Variants in CREB3L2 observed in about 807,000 individuals in gnomAD.
CREB3L2 encodes the protein cyclic AMP-responsive element-binding protein 3-like protein 2.
CREB3L2 carries 23 observed loss-of-function variants against 57.2 expected under a neutral mutation model. The ratio of observed to expected loss-of-function variants is 0.40; its 90% confidence interval spans 0.29 to 0.57. CREB3L2 has a LOEUF of 0.57. Among genes scored for constraint, CREB3L2 ranks in the 20% least tolerant of loss-of-function variants. CREB3L2 has a pLI of 0.42. For missense variants in CREB3L2, 628 were observed against 634.7 expected (o/e 0.99, Z 0.11); for synonymous variants, 268 against 265.1 (o/e 1.01, Z -0.11).
At chr7:137,925,691 C>T (rs1800438879) in intron 2 of CREB3L2, among the ~76,000 whole-genome samples, 1 of 152,186 alleles carries the variant, frequency 6.6e-6, no homozygotes, top group South Asian at 2.1e-4. Context: ...TGCCCATCCA[C>T]ACAACTCAGA....
chr7:137,930,087 C>T (rs923125767), intron 1 of CREB3L2, among the ~76,000 whole-genome samples: 6 of 151,704 alleles, frequency 4.0e-5, no homozygotes, highest in Admixed American at 6.6e-5. Flanking sequence ...GTAGTAGAGA[C>T]AGGGTTTCAC....
intron 6 of CREB3L2, among the ~76,000 whole-genome samples, chr7:137,904,645 C>CAG (rs1033427193): frequency 6.6e-6 from 1 of 151,880 alleles, no homozygotes; most frequent in Non-Finnish European, 1.5e-5. Context: ...GCCTAGGTGA[C>CAG]AGAGAGAGAC....
chr7:137,994,645 T>C (rs1801956449), intron 1 of CREB3L2, among the ~76,000 whole-genome samples: 1 of 152,140 alleles, frequency 6.6e-6, no homozygotes, highest in Non-Finnish European at 1.5e-5. Context: ...AGCTAAATAA[T>C]ATTCTTAGAA....
At chr7:137,964,840 A>T (rs1801383686) in intron 1 of CREB3L2, among the ~76,000 whole-genome samples, 1 of 152,064 alleles carries the variant, frequency 6.6e-6, no homozygotes, top group Non-Finnish European at 1.5e-5. Context: ...AGGCGGTTTC[A>T]CCCATACTGT....
At chr7:137,999,419 C>T (rs1276978066) in intron 1 of CREB3L2, among the ~76,000 whole-genome samples, 6 of 150,576 alleles carry the variant, frequency 4.0e-5, no homozygotes, top group South Asian at 2.1e-4. Flanking sequence ...CACACACACA[C>T]GAATATAAGC....
At chr7:137,969,787 C>CAT (rs1801475458) in intron 1 of CREB3L2, among the ~76,000 whole-genome samples, 3 of 144,812 alleles carry the variant, frequency 2.1e-5, no homozygotes, top group Non-Finnish European at 4.6e-5. Context: ...CACACACACA[C>CAT]ACACACAACA....
chr7:137,938,486 C>T (rs1800830657), intron 1 of CREB3L2, among the ~76,000 whole-genome samples: 1 of 151,970 alleles, frequency 6.6e-6, no homozygotes, highest in African/African-American at 2.4e-5. Flanking sequence ...GCTGGGATTA[C>T]AGGTTCCCGC....
intron 1 of CREB3L2, among the ~76,000 whole-genome samples, chr7:137,950,640 C>T (rs762843136): frequency 1.3e-5 from 2 of 152,000 alleles, no homozygotes; most frequent in Non-Finnish European, 2.9e-5. Context: ...TGTATGCATC[C>T]GAAGGTGAGC....
chr7:137,938,023 A>G (rs115679494), intron 1 of CREB3L2, among the ~76,000 whole-genome samples: 3,332 of 152,186 alleles, frequency 0.022, 134 homozygotes, highest in African/African-American at 0.077. Context: ...ACCCTGGGAG[A>G]AGGAGGAATA....
chr7:137,890,588 G>A (rs902823436), intron 8 of CREB3L2, among the ~76,000 whole-genome samples: 1 of 152,352 alleles, frequency 6.6e-6, no homozygotes, highest in East Asian at 1.9e-4. Flanking sequence ...ATGGAATAAT[G>A]AGAAAATGCC....
chr7:137,879,195 AG>A lies in CREB3L2; in HGVS notation c.*1280del. 1 of 525,014 alleles carries A rather than the reference AG, an allele frequency of 1.9e-6. No homozygotes were observed. The highest frequency in any genetic ancestry group is 3.9e-5 in the East Asian group (1 of 25,386). 32.5% of individuals were successfully genotyped at this position (525,014 alleles called of 1,614,324 possible). A position where few individuals can be genotyped will look rare whatever the true frequency, so the allele number is the denominator to read the frequency against. ...AAAAAAAAACAAAAAAACTAAAAGT[AG>A]GTTGGGGATTAGGTTGTATCTCTTT... is the stretch of plus-strand genomic sequence containing the variant. On this transcript the variant is annotated 3_prime_UTR_variant, in exon 12 of 12. Transcript: ENST00000330387.
At chr7:137,971,161 A>C (rs1043554401) in intron 1 of CREB3L2, among the ~76,000 whole-genome samples, 1 of 152,204 alleles carries the variant, frequency 6.6e-6, no homozygotes, top group Non-Finnish European at 1.5e-5. Context: ...GTTTAAAAAA[A>C]AAACTGGGGC....
intron 3 of CREB3L2, among the ~76,000 whole-genome samples, chr7:137,913,416 A>G (rs1158731327): frequency 6.6e-6 from 1 of 151,578 alleles, no homozygotes; most frequent in African/African-American, 2.4e-5. Flanking sequence ...CTGAGGCAGG[A>G]GAATCACTTG....
At chr7:137,899,096 A>AAGGAAGGAAGGAAGGAAGGAAGGAAG (rs1799690655) in intron 8 of CREB3L2, among the ~76,000 whole-genome samples, 1 of 83,776 alleles carries the variant, frequency 1.2e-5, no homozygotes, top group African/African-American at 6.4e-5. Flanking sequence ...AAAAGGAAAG[A>AAGGAAGGAAGGAAGGAAGGAAGGAAG]GAAGGAAGGA....
Position 137,876,700 on chromosome 7 carries a change from C to G in CREB3L2, c.*3776G>C. On this transcript the variant is annotated 3_prime_UTR_variant, in exon 12 of 12. Transcript: ENST00000330387. ...TAAAATGACTCTCAAGAGGGCACTA[C>G]CTGCCCATGGCTTCACAGGTCCAGC... is the stretch of plus-strand genomic sequence containing the variant. The G allele has an allele frequency of 4.3e-6, 1 of 232,452 alleles. No individual in the cohort carries two copies. The highest frequency in any genetic ancestry group is 6.1e-5 in the East Asian group (1 of 16,466). The allele number at this position is 232,452 out of a possible 1,614,324, so 14.4% of individuals were successfully genotyped here. A position where few individuals can be genotyped will look rare whatever the true frequency, so the allele number is the denominator to read the frequency against.
chr7:137,908,446 A>G lies in CREB3L2; in HGVS notation c.584-10T>C. ...AGGTGGTCCACTGGGGCTGCAAAAA[A>G]GGAAGCACATCTCATCCATCCCAGA... On this transcript the variant is annotated splice_polypyrimidine_tract_variant and intron_variant, in intron 4 of 11. Coordinates refer to ENST00000330387, the MANE Select transcript of CREB3L2 (RefSeq NM_194071.4). 7.9e-7 allele frequency: 1 copy of G among 1,260,214 alleles called. No individual in the cohort carries two copies. The highest frequency in any genetic ancestry group is 1.0e-6 in the Non-Finnish European group (1 of 995,668). 78.1% of individuals were successfully genotyped at this position (1,260,214 alleles called of 1,614,324 possible).
intron 1 of CREB3L2, among the ~76,000 whole-genome samples, chr7:137,977,800 A>G (rs966642955): frequency 2.0e-5 from 3 of 152,146 alleles, no homozygotes; most frequent in Non-Finnish European, 1.5e-5. Context: ...GCACACCTGT[A>G]GTTCCAGTTA....
intron 3 of CREB3L2, among the ~76,000 whole-genome samples, chr7:137,915,613 G>C (rs1800110360): frequency 6.6e-6 from 1 of 152,084 alleles, no homozygotes; most frequent in African/African-American, 2.4e-5. Context: ...AATGAAATCA[G>C]CTTAGCTACT....
intron 4 of CREB3L2, 95 bp downstream of exon 4, chr7:137,912,896 G>T: frequency 1.3e-6 from 2 of 1,565,224 alleles, no homozygotes; most frequent in Admixed American, 1.9e-5. Context: ...AACATCTGTG[G>T]TACAAACTCA....
Sources: gnomAD v4.1 joint callset for allele counts (sites outside exome capture counted in the v4.1 genomes callset) on GRCh38, gnomAD v4.1.1 for gene constraint, MANE v1.5 for transcripts, NCBI Gene and HGNC (gene_info 2026-07-23, HGNC 2026-07-21) for gene names.